NRAP: variants seen among roughly 807,000 people sequenced by gnomAD.
NRAP encodes the protein nebulin related anchoring protein, also known as nebulin-related-anchoring protein.
Under a neutral mutation model 225.9 loss-of-function variants are expected in NRAP, and 189 were observed. That is an observed-to-expected ratio of 0.84 (90% CI 0.74 to 0.94). The LOEUF is 0.94. Among genes scored for constraint, NRAP ranks in the 40% least tolerant of loss-of-function variants. The pLI is 0.00. For synonymous variants in NRAP, 769 were observed against 790.7 expected (o/e 0.97, Z 0.46); for missense variants, 2,176 against 2,168.7 (o/e 1.00, Z -0.07).
At chr10:113,621,819 A>T in intron 24 of NRAP, 50 bp downstream of exon 24, 1 of 1,527,874 alleles carries the variant, frequency 6.5e-7, no homozygotes, top group South Asian at 1.2e-5. Flanking sequence ...ACTAGCACAC[A>T]CACAACACAC....
At chr10:113,644,774 G>A (rs1849403131) in intron 11 of NRAP, among the ~76,000 whole-genome samples, 1 of 152,064 alleles carries the variant, frequency 6.6e-6, no homozygotes, top group Non-Finnish European at 1.5e-5. Context: ...CCAGCTTTTA[G>A]AGGTTAGAGA....
chr10:113,633,256 C>G, intron 15 of NRAP, 68 bp from the exon 16 acceptor site: 2 of 869,742 alleles, frequency 2.3e-6, no homozygotes, highest in Non-Finnish European at 3.9e-6. Flanking sequence ...GGACCCATAG[C>G]TCTTTCCCCC....
intron 19 of NRAP, 42 bp from the exon 20 acceptor site, chr10:113,629,063 T>C (rs1848434901): frequency 8.7e-6 from 12 of 1,382,542 alleles, no homozygotes; most frequent in Non-Finnish European, 1.2e-5. Context: ...GGCGCATGGA[T>C]AGAGACAGGA....
intron 31 of NRAP, among the ~76,000 whole-genome samples, chr10:113,609,122 T>C (rs1232515606): frequency 1.3e-5 from 2 of 152,164 alleles, no homozygotes; most frequent in African/African-American, 4.8e-5. Flanking sequence ...ATCGCACCAT[T>C]GCACTCCAGC....
chr10:113,653,135 G>T (rs1414866977), intron 5 of NRAP, 96 bp from the exon 6 acceptor site: 12 of 673,462 alleles, frequency 1.8e-5, no homozygotes, highest in African/African-American at 5.5e-5. Flanking sequence ...GATTCATAAA[G>T]TTCTTCGGAA....
rs746067972 is a variant in NRAP at position 113,657,531 on chromosome 10, T to C, written c.299A>G (p.His100Arg). ...CTTATCCTTGGATTTCATGTCCCAG[T>C]GAAAAACTGATTTACACTGTTCACC... ...EDGEQCKSVF[H>R]WDMKSKDKEG... Residue 100 changes from histidine to arginine, a missense_variant, in exon 4 of 42, where the codon CAC becomes CGC. By Grantham distance (29) the His-to-Arg change is conservative (BLOSUM62 0). Coordinates refer to ENST00000359988, the MANE Select transcript of NRAP (RefSeq NM_198060.4). 7 of 1,605,026 alleles carry C rather than the reference T, an allele frequency of 4.4e-6. No individual in the cohort carries two copies. In the Admixed American group the frequency reaches 1.0e-4, roughly 23 times the overall value.
chr10:113,634,389 G>C (rs777762500), intron 14 of NRAP, among the ~76,000 whole-genome samples, 179 bp from the exon 15 acceptor site: 7 of 152,150 alleles, frequency 4.6e-5, no homozygotes, highest in Non-Finnish European at 2.9e-5. Flanking sequence ...CAGTACATTG[G>C]AGAGTGAGAC....
chr10:113,646,858 A>G (rs1849541967), intron 10 of NRAP, 65 bp downstream of exon 10: 1 of 1,085,062 alleles, frequency 9.2e-7, no homozygotes, highest in Non-Finnish European at 1.4e-6. Context: ...GGTTTCAGTA[A>G]GCACAGCCTT....
At chr10:113,612,877 A>G (rs376660096) in intron 29 of NRAP, among the ~76,000 whole-genome samples, 134 of 152,276 alleles carry the variant, frequency 8.8e-4, no homozygotes, top group African/African-American at 2.9e-3. Flanking sequence ...AAAGCATTCA[A>G]TGATTTTCCT....
chr10:113,595,437 A>G (rs549098565), intron 38 of NRAP, among the ~76,000 whole-genome samples, 186 bp downstream of exon 38: 66 of 152,364 alleles, frequency 4.3e-4, no homozygotes, highest in African/African-American at 1.5e-3. Flanking sequence ...GCAGATAAAA[A>G]AAACAAAAAC....
chr10:113,657,171 G>A (rs905854037), intron 4 of NRAP, among the ~76,000 whole-genome samples: 9 of 152,062 alleles, frequency 5.9e-5, no homozygotes, highest in African/African-American at 2.2e-4. Flanking sequence ...CGGGGAGAGT[G>A]GAGAGAAAAG....
intron 38 of NRAP, 32 bp downstream of exon 38, chr10:113,595,591 G>A (rs1374252493): frequency 2.2e-6 from 3 of 1,355,868 alleles, no homozygotes; most frequent in Non-Finnish European, 2.1e-6. Context: ...ACAAAAGTGG[G>A]CACACGTTCC....
intron 19 of NRAP, 23 bp from the exon 20 acceptor site, chr10:113,629,044 C>T: frequency 6.5e-7 from 1 of 1,536,154 alleles, no homozygotes. Flanking sequence ...AACCACAAAG[C>T]TCTCATTGGG....
At chr10:113,595,595 A>G (rs747399183) in intron 38 of NRAP, 28 bp downstream of exon 38, 1 of 1,421,176 alleles carries the variant, frequency 7.0e-7, no homozygotes, top group East Asian at 2.3e-5. Context: ...AAGTGGGCAC[A>G]CGTTCCATGA....
At chr10:113,630,508 A>G (rs7912665) in intron 18 of NRAP, among the ~76,000 whole-genome samples, 43,385 of 151,928 alleles carry the variant, frequency 0.29, 6,445 homozygotes, top group Admixed American at 0.36. Flanking sequence ...AGAAGATAGT[A>G]TGCTATAGTA....
chr10:113,617,399 A>G, intron 26 of NRAP, 56 bp downstream of exon 26: 1 of 1,036,470 alleles, frequency 9.6e-7, no homozygotes, highest in South Asian at 1.3e-5. Context: ...CTTCAATCGC[A>G]GTGTTGAAAG....
intron 12 of NRAP, among the ~76,000 whole-genome samples, 154 bp from the exon 13 acceptor site, chr10:113,641,626 CT>C (rs946454419): frequency 6.6e-6 from 1 of 152,024 alleles, no homozygotes; most frequent in Non-Finnish European, 1.5e-5. Context: ...ATAAGGCAAA[CT>C]TTTTTTTAAT....
Position 113,612,408 on chromosome 10 carries a change from T to C in NRAP, c.3324A>G (p.Glu1108=). Residue 1108 remains glutamate (E), a synonymous_variant, in exon 30 of 42, where the codon GAA becomes GAG. Transcript: ENST00000359988. ...GCAGATGGAACTGCGCCTTTGAGTG[T>C]TCAAAGCCTTTCTTGTAATTCACCT... ...QSDVNYKKGF[E]HSKAQFHLPL... is the part of the protein sequence containing the mutation. 6.2e-7 allele frequency: 1 copy of C among 1,614,088 alleles called. No individual in the cohort carries two copies. Among genetic ancestry groups the C allele is most frequent in the Non-Finnish European group, 8.5e-7 (1 of 1,179,980 alleles).
At position 113,589,037 on chromosome 10, in the gene NRAP, C is replaced by A; in HGVS notation, c.5131G>T (p.Glu1711Ter). 2.5e-6 allele frequency: 4 copies of A among 1,614,004 alleles called. No homozygotes were observed. The highest frequency in any genetic ancestry group is 1.1e-5 in the South Asian group (1 of 91,080). ...ATCTCAGTGGCATCTGGGTTCACCT[C>A]CCCACTCTGATGATCTCCAGCCTCC... is the stretch of plus-strand genomic sequence containing the variant. ...AVEAGDHQSGEVNPDATEILH... is the reference protein window; with the variant it reads ...AVEAGDHQSG Residue 1711 changes from glutamate to a stop codon, truncating the protein, a stop_gained, in exon 42 of 42, where the codon GAG becomes TAG. Transcript: ENST00000359988. LOFTEE classifies it high-confidence loss of function.
Sources: gnomAD v4.1 joint callset for allele counts (sites outside exome capture counted in the v4.1 genomes callset) on GRCh38, gnomAD v4.1.1 for gene constraint, MANE v1.5 for transcripts, NCBI Gene and HGNC (gene_info 2026-07-23, HGNC 2026-07-21) for gene names.